MTA3: variants seen among roughly 807,000 people sequenced by gnomAD.
The protein encoded by MTA3 is metastasis associated 1 family member 3.
Under a neutral mutation model 83.5 loss-of-function variants are expected in MTA3, and 34 were observed. That is an observed-to-expected ratio of 0.41 (90% CI 0.31 to 0.54). The LOEUF (loss-of-function observed/expected upper bound fraction) is 0.54. Among genes scored for constraint, MTA3 ranks in the 20% least tolerant of loss-of-function variants. The probability of loss-of-function intolerance (pLI) is 0.33; values close to 1 mark genes in which losing one functional copy is unlikely to be tolerated. For synonymous variants in MTA3, 303 were observed against 252.7 expected (o/e 1.20, Z -1.89); for missense variants, 761 against 726.4 (o/e 1.05, Z -0.55).
intron 8 of MTA3, among the ~76,000 whole-genome samples, chr2:42,668,329 G>C (rs760277853): frequency 6.6e-6 from 1 of 152,164 alleles, no homozygotes; most frequent in Admixed American, 6.5e-5. Flanking sequence ...TTTAGGTAAT[G>C]TTTGCAAACA....
chr2:42,558,941 T>A (rs1471674790), intron 2 of MTA3, among the ~76,000 whole-genome samples: 1 of 152,064 alleles, frequency 6.6e-6, no homozygotes, highest in Non-Finnish European at 1.5e-5. Context: ...GTCTCAGTAG[T>A]TCCCCTGGAG....
At chr2:42,560,953 A>G (rs529245899) in intron 2 of MTA3, among the ~76,000 whole-genome samples, 2 of 152,250 alleles carry the variant, frequency 1.3e-5, no homozygotes, top group Admixed American at 1.3e-4. Context: ...TCCATGTTTA[A>G]AAACTTCTAA....
At chr2:42,512,003 C>T (rs998684356) in intron 2 of MTA3, among the ~76,000 whole-genome samples, 31 of 151,110 alleles carry the variant, frequency 2.1e-4, no homozygotes, top group African/African-American at 2.7e-4. Flanking sequence ...GGCGACAGAG[C>T]GAGACTCCAT....
At chr2:42,544,402 C>T (rs946015568) in intron 2 of MTA3, among the ~76,000 whole-genome samples, 1 of 151,144 alleles carries the variant, frequency 6.6e-6, no homozygotes, top group Non-Finnish European at 1.5e-5. Context: ...GCCAAGATTG[C>T]GCCACTGTAC....
chr2:42,516,062 C>T (rs1001652649), intron 2 of MTA3, among the ~76,000 whole-genome samples: 15 of 151,582 alleles, frequency 9.9e-5, no homozygotes, highest in African/African-American at 3.6e-4. Flanking sequence ...TTACAGGCAC[C>T]CGCCACCACG....
At chr2:42,746,162 C>T (rs1443278880) in intron 16 of MTA3, among the ~76,000 whole-genome samples, 3 of 152,134 alleles carry the variant, frequency 2.0e-5, no homozygotes, top group Non-Finnish European at 4.4e-5. Context: ...AAATCTTTGT[C>T]TGATTTTAAT....
upstream of MTA3, chr2:42,494,444 C>T (rs939523966): frequency 6.6e-6 from 1 of 152,370 alleles, no homozygotes; most frequent in African/African-American, 2.4e-5. Flanking sequence ...CTGACATCGC[C>T]CCTAAGGATT....
At chr2:42,667,815 A>T (rs771037476) in intron 8 of MTA3, among the ~76,000 whole-genome samples, 1 of 152,156 alleles carries the variant, frequency 6.6e-6, no homozygotes, top group Non-Finnish European at 1.5e-5. Context: ...TATTAATGCT[A>T]AGTAATAATA....
chr2:42,627,749 T>C (rs887732185), intron 4 of MTA3, among the ~76,000 whole-genome samples: 2 of 98,802 alleles, frequency 2.0e-5, no homozygotes, highest in African/African-American at 8.5e-5. Flanking sequence ...TTTTTTTTTT[T>C]GTATTTTTGG....
At chr2:42,588,509 A>G (rs542455634) in intron 3 of MTA3, among the ~76,000 whole-genome samples, 1 of 152,208 alleles carries the variant, frequency 6.6e-6, no homozygotes, top group Non-Finnish European at 1.5e-5. Flanking sequence ...TGACAATTCA[A>G]TTAGGTCTTC....
chr2:42,678,368 C>T (rs1340821475), intron 8 of MTA3, among the ~76,000 whole-genome samples: 1 of 152,138 alleles, frequency 6.6e-6, no homozygotes, highest in Non-Finnish European at 1.5e-5. Flanking sequence ...GACAGATCCT[C>T]ACTCTGCCGC....
intron 4 of MTA3, among the ~76,000 whole-genome samples, chr2:42,625,690 T>C (rs1285945291): frequency 7.2e-6 from 1 of 138,866 alleles, no homozygotes; most frequent in Non-Finnish European, 1.5e-5. Context: ...GAGGTTGCAG[T>C]GAACCGAGAT....
rs752652875 is a variant in MTA3 at position 42,753,566 on chromosome 2, C to T, written c.*167C>T. 2.4e-5 allele frequency: 34 copies of T among 1,442,238 alleles called. No individual in the cohort carries two copies. The highest frequency in any genetic ancestry group is 5.1e-5 in the Admixed American group (2 of 39,546). 89.3% of individuals were successfully genotyped at this position (1,442,238 alleles called of 1,614,324 possible). ...GCGGGGAAGGAACTGTGGGAGTGCA[C>T]GTTCCAAATCCTGTGTCTCCACGTG... On this transcript the variant is annotated 3_prime_UTR_variant, in exon 17 of 17. Coordinates refer to ENST00000405094, the MANE Select transcript of MTA3 (RefSeq NM_001330442.2).
At chr2:42,586,511 C>A (rs1231836724) in intron 3 of MTA3, among the ~76,000 whole-genome samples, 2 of 144,130 alleles carry the variant, frequency 1.4e-5, no homozygotes, top group Non-Finnish European at 3.1e-5. Flanking sequence ...CACACACACA[C>A]ACAAACACAC....
intron 4 of MTA3, among the ~76,000 whole-genome samples, chr2:42,626,571 C>G (rs567011105): frequency 6.6e-6 from 1 of 152,026 alleles, no homozygotes; most frequent in Non-Finnish European, 1.5e-5. Flanking sequence ...GCTGGGATTA[C>G]AGGCGTGGGC....
intron 3 of MTA3, 60 bp from the exon 4 acceptor site, chr2:42,609,398 C>G: frequency 1.3e-6 from 2 of 1,495,300 alleles, no homozygotes; most frequent in Admixed American, 3.8e-5. Flanking sequence ...TGATCTGTTT[C>G]AATATCCAAA....
chr2:42,713,974 T>G (rs1558612386), intron 14 of MTA3, among the ~76,000 whole-genome samples: 1 of 152,212 alleles, frequency 6.6e-6, no homozygotes, highest in Non-Finnish European at 1.5e-5. Context: ...GCATACATTT[T>G]GAATTTTGGT....
At chr2:42,708,442 T>A (rs1482013345) in intron 13 of MTA3, among the ~76,000 whole-genome samples, 1 of 152,170 alleles carries the variant, frequency 6.6e-6, no homozygotes, top group Non-Finnish European at 1.5e-5. Context: ...GGACAAGAAG[T>A]ATGGACTTAA....
At chr2:42,673,942 C>T (rs1266518267) in intron 8 of MTA3, among the ~76,000 whole-genome samples, 2 of 152,240 alleles carry the variant, frequency 1.3e-5, no homozygotes, top group Non-Finnish European at 2.9e-5. Context: ...GAAAACACAT[C>T]TATTACACTG....
Sources: allele counts gnomAD v4.1 joint callset (sites outside exome capture counted in the v4.1 genomes callset), GRCh38; gene constraint gnomAD v4.1.1; transcripts MANE v1.5; gene names NCBI Gene and HGNC (gene_info 2026-07-23, HGNC 2026-07-21).